RHOU: variants seen among roughly 807,000 people sequenced by gnomAD.
RHOU encodes rho-related GTP-binding protein RhoU.
RHOU carries 8 observed loss-of-function variants against 12.6 expected under a neutral mutation model. The observed-to-expected ratio is 0.64, with a 90% CI of 0.37 to 1.15. The LOEUF (loss-of-function observed/expected upper bound fraction) is 1.15, where lower values mean the gene tolerates loss of function less well. Ranked by LOEUF, RHOU falls within the 50% of genes most tolerant of loss-of-function variation. The pLI, the probability that RHOU is intolerant of heterozygous loss-of-function variation, is 0.01. For synonymous variants in RHOU, 161 were observed against 147.4 expected (o/e 1.09, Z -0.67); for missense variants, 258 against 347.0 (o/e 0.74, Z 2.04).
chr1:228,719,298 A>T, the RHOU span, among the ~76,000 whole-genome samples: 1 of 152,246 alleles, frequency 6.6e-6, no homozygotes, highest in African/African-American at 2.4e-5. Flanking sequence ...CTAAAGAAAC[A>T]ATAAAAACTG....
chr1:228,725,093 AT>A, the RHOU span, among the ~76,000 whole-genome samples: 1 of 152,178 alleles, frequency 6.6e-6, no homozygotes, highest in African/African-American at 2.4e-5. Context: ...GAAAATTGGT[AT>A]TTTTTATTCA....
At chr1:228,703,986 G>A in the RHOU span, among the ~76,000 whole-genome samples, 1 of 152,166 alleles carries the variant, frequency 6.6e-6, no homozygotes, top group Admixed American at 6.5e-5. Flanking sequence ...GGTGGACAAC[G>A]GAAAGATAGA....
chr1:228,654,785 T>C, the RHOU span, among the ~76,000 whole-genome samples: 2 of 152,354 alleles, frequency 1.3e-5, no homozygotes, highest in Admixed American at 1.3e-4. Context: ...ACTATTGGTC[T>C]TTTTTCTTTT....
the RHOU span, among the ~76,000 whole-genome samples, chr1:228,718,249 G>A: frequency 6.6e-6 from 1 of 152,320 alleles, no homozygotes; most frequent in East Asian, 1.9e-4. Flanking sequence ...GAATCAAGAA[G>A]TTTGCTTGTA....
chr1:228,674,722 C>CT, the RHOU span, among the ~76,000 whole-genome samples: 3,598 of 151,188 alleles, frequency 0.024, 144 homozygotes, highest in African/African-American at 0.082. Flanking sequence ...ATATTATATT[C>CT]TTTTTTTTAA....
chr1:228,691,092 T>C, the RHOU span, among the ~76,000 whole-genome samples: 140 of 152,270 alleles, frequency 9.2e-4, no homozygotes, highest in African/African-American at 3.2e-3. Flanking sequence ...ATAATTTTTT[T>C]TTTTTTAAAT....
the RHOU span, among the ~76,000 whole-genome samples, chr1:228,666,764 G>A: frequency 6.6e-6 from 1 of 152,180 alleles, no homozygotes; most frequent in Admixed American, 6.5e-5. Context: ...GTAGGCTGGA[G>A]CAAAATTTAT....
At chr1:228,702,842 T>A in the RHOU span, among the ~76,000 whole-genome samples, 2 of 152,310 alleles carry the variant, frequency 1.3e-5, no homozygotes, top group South Asian at 2.1e-4. Context: ...CATGAAGAAT[T>A]CTCATTTGTC....
At chr1:228,689,399 C>G in the RHOU span, among the ~76,000 whole-genome samples, 3 of 152,270 alleles carry the variant, frequency 2.0e-5, no homozygotes, top group South Asian at 6.2e-4. Context: ...CATGATACTT[C>G]CATGACATCA....
the RHOU span, among the ~76,000 whole-genome samples, chr1:228,704,090 G>A: frequency 3.8e-3 from 582 of 152,234 alleles, 4 homozygotes; most frequent in Middle Eastern, 0.031. Context: ...GATTCACTGA[G>A]CCAGACTATA....
chr1:228,705,786 A>G, the RHOU span, among the ~76,000 whole-genome samples: 4 of 152,154 alleles, frequency 2.6e-5, no homozygotes, highest in Non-Finnish European at 2.9e-5. Context: ...GGTCACGCCT[A>G]TAATCCCAGC....
At chr1:228,655,386 G>A in the RHOU span, among the ~76,000 whole-genome samples, 20 of 152,196 alleles carry the variant, frequency 1.3e-4, no homozygotes, top group Non-Finnish European at 2.8e-4. Context: ...ACAGGCATAA[G>A]CCACTGCACC....
chr1:228,727,443 G>C, the RHOU span, among the ~76,000 whole-genome samples: 3 of 151,998 alleles, frequency 2.0e-5, no homozygotes, highest in African/African-American at 7.3e-5. Context: ...CTGAGTAGCT[G>C]GGACCACAGG....
Position 228,743,905 on chromosome 1 carries a change from CTTG to C in RHOU, c.*168_*170del. 1 of 626,828 alleles carries C rather than the reference CTTG, an allele frequency of 1.6e-6. No individual in the cohort carries two copies. The highest frequency in any genetic ancestry group is 2.7e-6 in the Non-Finnish European group (1 of 375,220). The allele number at this position is 626,828 out of a possible 1,614,324, so 38.8% of individuals were successfully genotyped here. A position where few individuals can be genotyped will look rare whatever the true frequency, so the allele number is the denominator to read the frequency against. ...ATGTATTCTTTCTGCCTTTAATTTT[CTTG>C]TTTGTTTGAGCTTAGGGATGAGATA... On this transcript the variant is annotated 3_prime_UTR_variant, in exon 3 of 3. Coordinates refer to ENST00000366691, the MANE Select transcript of RHOU (RefSeq NM_021205.6). The surrounding 1 kb of genome is among the most constrained non-coding windows in gnomAD (Gnocchi z 5.1).
chr1:228,655,001 A>T, the RHOU span, among the ~76,000 whole-genome samples: 4 of 152,168 alleles, frequency 2.6e-5, no homozygotes, highest in African/African-American at 9.7e-5. Flanking sequence ...GACCTCACCT[A>T]GTTCCCTATA....
rs546565407 is a variant in RHOU, at chr1:228,738,243, C to T, written c.321+512C>T. Among the ~76,000 whole-genome samples the T allele has an allele frequency of 7.9e-5, 12 of 152,330 alleles. No homozygotes were observed. The East Asian group carries it at 1.9e-3, about 24-fold the overall frequency. On this transcript the variant is annotated intron_variant, in intron 2 of 2. Transcript: ENST00000366691. The surrounding 1 kb of genome is among the most constrained non-coding windows in gnomAD (Gnocchi z 4.2). Reference sequence around the variant, plus strand: ...AGCCCCATCACTTGAAGCACAGATACATTTGTCAGAGCAGTCCTAAGCTGG... The same window carrying T: ...AGCCCCATCACTTGAAGCACAGATATATTTGTCAGAGCAGTCCTAAGCTGG...
At chr1:228,735,034 G>A (rs1020500059), upstream of RHOU, 1 of 152,234 alleles carries the variant, frequency 6.6e-6, no homozygotes, top group African/African-American at 2.4e-5. The surrounding 1 kb of genome is among the most constrained non-coding windows in gnomAD (Gnocchi z 8.1). Context: ...CAGGCCTCCA[G>A]GACACTTCAT....
chr1:228,653,662 G>A, the RHOU span, among the ~76,000 whole-genome samples: 1 of 152,068 alleles, frequency 6.6e-6, no homozygotes, highest in East Asian at 1.9e-4. Flanking sequence ...CACCATTTTA[G>A]CCAGGCTGGT....
the RHOU span, among the ~76,000 whole-genome samples, chr1:228,704,642 G>A: frequency 6.7e-6 from 1 of 148,852 alleles, no homozygotes; most frequent in Admixed American, 6.8e-5. Flanking sequence ...TTTTTTTTAA[G>A]TAGCGATGGG....
Sources: allele counts gnomAD v4.1 joint callset (sites outside exome capture counted in the v4.1 genomes callset), GRCh38; gene constraint gnomAD v4.1.1; non-coding constraint Gnocchi (gnomAD v3.1); transcripts MANE v1.5; gene names NCBI Gene and HGNC (gene_info 2026-07-23, HGNC 2026-07-21).